Variants in SLC49A4 observed in about 807,000 individuals in gnomAD.
SLC49A4 encodes the protein solute carrier family 49 member 4, also known as disrupted in renal cancer protein 2.
SLC49A4 carries 36 observed loss-of-function variants against 50.6 expected under a neutral mutation model. That is an observed-to-expected ratio of 0.71 (90% CI 0.55 to 0.94). The LOEUF (loss-of-function observed/expected upper bound fraction) is 0.94. SLC49A4 is among the 40% of genes least tolerant of loss of function. SLC49A4 has a pLI of 0.00. For synonymous variants in SLC49A4, 248 were observed against 241.2 expected, an observed-to-expected ratio of 1.03 and a Z score of -0.26; for missense variants, 503 against 605.7, an observed-to-expected ratio of 0.83 and a Z score of 1.78.
At chr3:122,846,326 A>G (rs992442881) in intron 5 of SLC49A4, among the ~76,000 whole-genome samples, 2 of 152,168 alleles carry the variant, frequency 1.3e-5, no homozygotes, top group South Asian at 4.1e-4. Context: ...CTTTGCTTCC[A>G]GATAGCATGG....
chr3:122,795,663 C>A, intron 1 of SLC49A4, 128 bp downstream of exon 1: 1 of 1,413,606 alleles, frequency 7.1e-7, no homozygotes, highest in South Asian at 1.6e-5. Flanking sequence ...TAGAGTGTTG[C>A]TAGCATTCCA....
intron 1 of SLC49A4, 149 bp from the exon 2 acceptor site, chr3:122,806,708 G>GTTTT (rs35035359): frequency 6.3e-6 from 3 of 472,932 alleles, no homozygotes; most frequent in East Asian, 8.5e-5. Flanking sequence ...AGGGTTCGTT[G>GTTTT]TTTTTTTTTT....
intron 7 of SLC49A4, among the ~76,000 whole-genome samples, chr3:122,871,018 C>T (rs12107825): frequency 0.019 from 2,828 of 152,014 alleles, 65 homozygotes; most frequent in African/African-American, 0.064. Context: ...TATTAGGTTA[C>T]GTTTTAAGAA....
intron 7 of SLC49A4, among the ~76,000 whole-genome samples, 192 bp downstream of exon 7, chr3:122,860,394 T>C (rs1472777717): frequency 6.6e-6 from 1 of 152,212 alleles, no homozygotes; most frequent in Non-Finnish European, 1.5e-5. Context: ...TTTTAATTGG[T>C]ATTTTTCACA....
intron 3 of SLC49A4, among the ~76,000 whole-genome samples, chr3:122,831,760 A>T (rs1182716817): frequency 6.6e-6 from 1 of 152,174 alleles, no homozygotes; most frequent in African/African-American, 2.4e-5. Context: ...CATGTGAATT[A>T]TATCTCAGTG....
chr3:122,811,690 G>A (rs1936302632), intron 2 of SLC49A4, among the ~76,000 whole-genome samples: 1 of 152,160 alleles, frequency 6.6e-6, no homozygotes, highest in African/African-American at 2.4e-5. Context: ...GAACTGATTA[G>A]GATGCAGTAT....
intron 2 of SLC49A4, among the ~76,000 whole-genome samples, chr3:122,811,010 G>A (rs1313462538): frequency 6.6e-6 from 1 of 152,166 alleles, no homozygotes; most frequent in South Asian, 2.1e-4. Flanking sequence ...GAATCTGAGG[G>A]TGGAGAGGAC....
chr3:122,836,255 T>G (rs1387980816), intron 4 of SLC49A4, among the ~76,000 whole-genome samples: 2 of 152,144 alleles, frequency 1.3e-5, no homozygotes, highest in East Asian at 1.9e-4. Flanking sequence ...GAGATAATCA[T>G]GTGGTTTTTG....
chr3:122,816,559 T>C (rs1052987535), intron 2 of SLC49A4, among the ~76,000 whole-genome samples: 1 of 152,140 alleles, frequency 6.6e-6, no homozygotes, highest in Non-Finnish European at 1.5e-5. Context: ...AATTTCTCAA[T>C]TAGAGGACAA....
At chr3:122,842,855 T>C (rs2107572670) in intron 4 of SLC49A4, among the ~76,000 whole-genome samples, 1 of 152,292 alleles carries the variant, frequency 6.6e-6, no homozygotes, top group East Asian at 1.9e-4. Context: ...AATGCCAGCT[T>C]CTACCTTTGG....
At chr3:122,837,410 A>G (rs1243777600) in intron 4 of SLC49A4, among the ~76,000 whole-genome samples, 2 of 152,152 alleles carry the variant, frequency 1.3e-5, no homozygotes, top group African/African-American at 2.4e-5. Context: ...AATGCCGCAT[A>G]TCTACAACTA....
chr3:122,857,775 C>T (rs1466809308), intron 6 of SLC49A4, among the ~76,000 whole-genome samples: 1 of 152,014 alleles, frequency 6.6e-6, no homozygotes, highest in Non-Finnish European at 1.5e-5. Context: ...AATCTCCAAG[C>T]CAATTATAGT....
intron 4 of SLC49A4, among the ~76,000 whole-genome samples, chr3:122,843,421 A>G (rs536066716): frequency 3.5e-4 from 54 of 152,340 alleles, no homozygotes; most frequent in African/African-American, 1.1e-3. Context: ...AAATATTTCA[A>G]TATGTGCAAT....
At chr3:122,835,279 C>T (rs10934616) in intron 4 of SLC49A4, among the ~76,000 whole-genome samples, 1 of 151,834 alleles carries the variant, frequency 6.6e-6, no homozygotes, top group Non-Finnish European at 1.5e-5. Context: ...TTCTATGAAG[C>T]CAGTGTCACC....
chr3:122,866,958 G>A (rs188651704), intron 7 of SLC49A4, among the ~76,000 whole-genome samples: 2 of 152,178 alleles, frequency 1.3e-5, no homozygotes, highest in Admixed American at 6.5e-5. Flanking sequence ...CATATAAATG[G>A]TTGCTGGGGC....
At chr3:122,816,266 T>C (rs1936365795) in intron 2 of SLC49A4, among the ~76,000 whole-genome samples, 1 of 152,184 alleles carries the variant, frequency 6.6e-6, no homozygotes, top group South Asian at 2.1e-4. Flanking sequence ...AAATTTATAT[T>C]GCAGGCCTCG....
chr3:122,851,575 A>C (rs2107576211), intron 5 of SLC49A4, among the ~76,000 whole-genome samples: 1 of 152,276 alleles, frequency 6.6e-6, no homozygotes, highest in African/African-American at 2.4e-5. Flanking sequence ...CATTGGTTTC[A>C]GCAGTTTTGC....
At chr3:122,845,040 G>C (rs10934618) in intron 4 of SLC49A4, among the ~76,000 whole-genome samples, 24,294 of 151,886 alleles carry the variant, frequency 0.16, 2,765 homozygotes, top group East Asian at 0.52. Context: ...ATGGGGGTTT[G>C]GTGTACAGAT....
intron 2 of SLC49A4, among the ~76,000 whole-genome samples, chr3:122,816,354 T>C (rs958760907): frequency 7.0e-4 from 106 of 152,106 alleles, no homozygotes; most frequent in Non-Finnish European, 8.8e-5. Context: ...ATATCTCTCT[T>C]GTGCCATCCT....
Sources: allele counts gnomAD v4.1 joint callset (sites outside exome capture counted in the v4.1 genomes callset), GRCh38; gene constraint gnomAD v4.1.1; transcripts MANE v1.5; gene names NCBI Gene and HGNC (gene_info 2026-07-23, HGNC 2026-07-21).